Variants in CDH4 observed in about 807,000 individuals in gnomAD.
CDH4 encodes cadherin 4, also known as cadherin-4.
CDH4 carries 33 observed loss-of-function variants against 86.0 expected under a neutral mutation model. The observed-to-expected ratio is 0.38, with a 90% CI of 0.29 to 0.51. The LOEUF (loss-of-function observed/expected upper bound fraction) is 0.51. Ranked by LOEUF, CDH4 falls within the 20% of genes least tolerant of loss-of-function variation. The probability of loss-of-function intolerance (pLI) is 0.86; values close to 1 mark genes in which losing one functional copy is unlikely to be tolerated. For synonymous variants in CDH4, 555 were observed against 549.4 expected, an observed-to-expected ratio of 1.01 and a Z score of -0.14; for missense variants, 1,114 against 1,307.4, an observed-to-expected ratio of 0.85 and a Z score of 2.28.
intron 2 of CDH4, among the ~76,000 whole-genome samples, chr20:61,278,121 C>T (rs998816109): frequency 6.6e-6 from 1 of 152,348 alleles, no homozygotes; most frequent in East Asian, 1.9e-4. Context: ...GGCCAAGGAG[C>T]CCCACCTGTG....
chr20:61,406,391 G>A (rs1247824770), intron 2 of CDH4, among the ~76,000 whole-genome samples: 33 of 96,516 alleles, frequency 3.4e-4, no homozygotes, highest in Middle Eastern at 9.6e-3. Flanking sequence ...CCGGACCACT[G>A]TCTGCTCTGC....
chr20:61,295,189 T>G (rs1158320487), intron 2 of CDH4, among the ~76,000 whole-genome samples: 1 of 152,218 alleles, frequency 6.6e-6, no homozygotes, highest in Non-Finnish European at 1.5e-5. Flanking sequence ...GAATACTTTG[T>G]TTTTAAAAAT....
rs1228250132 is a variant in CDH4 at position 61,544,272 on chromosome 20, A to T, written c.170-199291A>T. On this transcript the variant is annotated intron_variant, in intron 2 of 15. Transcript: ENST00000614565. The surrounding 1 kb of genome is among the most constrained non-coding windows in gnomAD (Gnocchi z 6.5). ...ATATGGCGGGGTACGGCTGACATCG[A>T]GCGGGTGGAGGCTGGGTACGGCTAA... is the stretch of plus-strand genomic sequence containing the variant. Among the ~76,000 whole-genome samples, 1 of 151,978 alleles carries T rather than the reference A, an allele frequency of 6.6e-6. No individual in the cohort carries two copies. The highest frequency in any genetic ancestry group is 1.5e-5 in the Non-Finnish European group (1 of 67,990).
chr20:61,843,092 C>T (rs1012599367), intron 4 of CDH4, among the ~76,000 whole-genome samples: 3 of 152,078 alleles, frequency 2.0e-5, no homozygotes, highest in East Asian at 1.9e-4. Flanking sequence ...CTAGTAAGGC[C>T]GAATGCGGTA....
intron 2 of CDH4, among the ~76,000 whole-genome samples, chr20:61,314,736 C>T (rs2084467119): frequency 6.6e-6 from 1 of 152,180 alleles, no homozygotes; most frequent in Non-Finnish European, 1.5e-5. Flanking sequence ...ATCTTCCCAG[C>T]AACAGCGGAG....
At chr20:61,620,123 G>A (rs2145772551) in intron 2 of CDH4, among the ~76,000 whole-genome samples, 2 of 43,014 alleles carry the variant, frequency 4.6e-5, no homozygotes, top group East Asian at 1.1e-3. Context: ...AGGAAAGAAA[G>A]GGTGCACTGG....
intron 2 of CDH4, among the ~76,000 whole-genome samples, chr20:61,295,322 G>A (rs1250886016): frequency 1.3e-5 from 2 of 152,170 alleles, no homozygotes; most frequent in African/African-American, 4.8e-5. Context: ...TGACCATGCG[G>A]TATTGAGGGA....
chr20:61,378,895 T>C (rs2084885553), intron 2 of CDH4, among the ~76,000 whole-genome samples: 1 of 152,168 alleles, frequency 6.6e-6, no homozygotes, highest in African/African-American at 2.4e-5. Flanking sequence ...GATGATGTCA[T>C]CACAACCAAG....
chr20:61,565,221 T>TGGTGGTCCTCTTGGTGATGGGG (rs1414076004), intron 2 of CDH4, among the ~76,000 whole-genome samples: 3 of 40,548 alleles, frequency 7.4e-5, no homozygotes, highest in African/African-American at 1.4e-4. Flanking sequence ...CTCTCGGTGG[T>TGGTGGTCCTCTTGGTGATGGGG]AGGTGGTGGT....
intron 2 of CDH4, among the ~76,000 whole-genome samples, chr20:61,602,012 G>A (rs758150718): frequency 9.2e-5 from 14 of 152,334 alleles, no homozygotes; most frequent in East Asian, 1.9e-4. Flanking sequence ...GCTGCAGGAC[G>A]CCAAGGTAGG....
At chr20:61,620,421 A>T (rs2086766741) in intron 2 of CDH4, among the ~76,000 whole-genome samples, 1 of 151,894 alleles carries the variant, frequency 6.6e-6, no homozygotes, top group African/African-American at 2.4e-5. Context: ...TGGATGATGG[A>T]TGGATAGATA....
At chr20:61,830,746 G>T (rs1981566003) in intron 4 of CDH4, among the ~76,000 whole-genome samples, 1 of 152,276 alleles carries the variant, frequency 6.6e-6, no homozygotes, top group Non-Finnish European at 1.5e-5. Flanking sequence ...GGAGCGGGCG[G>T]CGCTGGCTTC....
In CDH4 at chr20:61,897,440, C is replaced by T. The variant is rs1406881; in HGVS notation, c.1188+2393C>T. On this transcript the variant is annotated intron_variant, in intron 8 of 15. Coordinates refer to ENST00000614565, the MANE Select transcript of CDH4 (RefSeq NM_001794.5). ...CTGACCAGCACTGATCAGCCACCAG[C>T]GCTGACCAGCCACCACCATTTACCA... 4.5e-3 allele frequency among the ~76,000 whole-genome samples: 681 copies of T among 152,152 alleles called. 2 individuals are homozygous for T. Among genetic ancestry groups the T allele is most frequent in the Non-Finnish European group, 6.7e-3 (453 of 67,984 alleles).
chr20:61,854,625 G>C (rs1165613293), intron 6 of CDH4, among the ~76,000 whole-genome samples: 1 of 147,102 alleles, frequency 6.8e-6, no homozygotes, highest in Non-Finnish European at 1.5e-5. Flanking sequence ...AGTGTGAACA[G>C]GGTGAATTGC....
intron 3 of CDH4, among the ~76,000 whole-genome samples, chr20:61,769,537 C>T (rs2145981324): frequency 6.6e-6 from 1 of 152,346 alleles, no homozygotes; most frequent in African/African-American, 2.4e-5. Flanking sequence ...CAAACAGAGA[C>T]CACAGAAGGG....
rs994376310 is a variant in CDH4, at chr20:61,377,642, C to T, written c.169+122705C>T. ...AGTGTCTTTAACTTTATCTGAAGAA[C>T]GTGAACCAGATCCCCAGAAAGAACA... On this transcript the variant is annotated intron_variant, in intron 2 of 15. Transcript: ENST00000614565. The surrounding 1 kb of genome is among the most constrained non-coding windows in gnomAD (Gnocchi z 4.0). Among the ~76,000 whole-genome samples the T allele has an allele frequency of 1.8e-4, 28 of 151,752 alleles. No individual in the cohort carries two copies. The highest frequency in any genetic ancestry group is 1.5e-5 in the Non-Finnish European group (1 of 67,964).
chr20:61,425,115 C>T (rs62199127), intron 2 of CDH4, among the ~76,000 whole-genome samples: 7,679 of 152,264 alleles, frequency 0.05, 226 homozygotes, highest in Middle Eastern at 0.085. Flanking sequence ...TCCCCAAGAC[C>T]GCCTGTGTGG....
intron 2 of CDH4, among the ~76,000 whole-genome samples, chr20:61,534,862 G>T (rs1290430126): frequency 8.1e-6 from 1 of 122,982 alleles, no homozygotes; most frequent in Non-Finnish European, 1.7e-5. Context: ...TGGGACAGTG[G>T]CAGAGATGCC....
chr20:61,706,063 G>A (rs772639309), intron 2 of CDH4, among the ~76,000 whole-genome samples: 11 of 152,210 alleles, frequency 7.2e-5, no homozygotes, highest in East Asian at 1.9e-4. Context: ...AGAGCAAGCC[G>A]TCCCACCCCA....
Sources: gnomAD v4.1 joint callset for allele counts (sites outside exome capture counted in the v4.1 genomes callset) on GRCh38, gnomAD v4.1.1 for gene constraint, Gnocchi (gnomAD v3.1) non-coding constraint, MANE v1.5 for transcripts, NCBI Gene and HGNC (gene_info 2026-07-23, HGNC 2026-07-21) for gene names.